The following NRG4 variants were observed in gnomAD, a reference collection of about 807,000 sequenced individuals.
NRG4 encodes pro-neuregulin-4, membrane-bound isoform.
NRG4 carries 10 observed loss-of-function variants against 15.0 expected under a neutral mutation model. The ratio of observed to expected loss-of-function variants is 0.67; its 90% CI spans 0.41 to 1.13. The LOEUF is 1.13. Among genes scored for constraint, NRG4 ranks in the 50% most tolerant of loss-of-function variants. The probability of loss-of-function intolerance (pLI) is 0.00; values close to 1 mark genes in which losing one functional copy is unlikely to be tolerated. For synonymous variants in NRG4, 41 were observed against 50.1 expected (o/e 0.82, Z 0.77); for missense variants, 139 against 140.2 (o/e 0.99, Z 0.04).
intron 5 of NRG4, among the ~76,000 whole-genome samples, chr15:76,024,063 C>G (rs1038281048): frequency 6.6e-6 from 1 of 152,230 alleles, no homozygotes; most frequent in African/African-American, 2.4e-5. Flanking sequence ...TGCCCAAAGG[C>G]CCCATGCCTG....
Position 76,011,397 on chromosome 15 carries a change from T to C in NRG4, c.-56-111A>G, listed in dbSNP as rs146856672. On this transcript the variant is annotated intron_variant, in intron 1 of 5. Coordinates refer to ENST00000394907, the MANE Select transcript of NRG4 (RefSeq NM_138573.4). The stretch of plus-strand genomic sequence containing the variant: ...TTCTTAAATGTTGAAAATAAAATAA[T>C]AAAGACATTTATATACTAGGGACAA... The C allele has an allele frequency of 1.1e-5, 6 of 546,436 alleles. No homozygotes were observed. The Admixed American group carries it at 2.7e-4, about 25-fold the overall frequency. The allele number at this position is 546,436 out of a possible 1,614,324, so 33.8% of individuals were successfully genotyped here.
Position 75,961,891 on chromosome 15 carries a change from T to G in NRG4, c.188A>C (p.Glu63Ala). 6.2e-7 allele frequency: 1 copy of G among 1,613,670 alleles called. No homozygotes were observed. Among genetic ancestry groups the G allele is most frequent in the Non-Finnish European group, 8.5e-7 (1 of 1,179,590 alleles). Residue 63 changes from glutamate to alanine, a missense_variant, in exon 4 of 6, where the codon GAA (glutamate) becomes GCA (alanine). By Grantham distance (107) the Glu-to-Ala change is moderately radical (BLOSUM62 -1). Coordinates refer to ENST00000394907, the MANE Select transcript of NRG4 (RefSeq NM_138573.4). ...TAGGACCGCCAATGCCACAAAAGCT[T>G]CAAACAGGTTACTTTTAGTTTGGAT... Reference protein sequence around the residue: ...SSIQTKSNLFEAFVALAVLVT... With the variant: ...SSIQTKSNLFAAFVALAVLVT...
intron 5 of NRG4, among the ~76,000 whole-genome samples, chr15:76,025,815 T>G (rs2141934433): frequency 6.6e-6 from 1 of 151,918 alleles, no homozygotes; most frequent in Admixed American, 6.6e-5. Context: ...AGGTGGAGGT[T>G]GCAGTAAGCC....
upstream of NRG4, among the ~76,000 whole-genome samples, chr15:76,014,397 T>C (rs1386681812): frequency 6.6e-6 from 1 of 152,224 alleles, no homozygotes; most frequent in Non-Finnish European, 1.5e-5. Flanking sequence ...CTTTTGGTGT[T>C]TTAGTCACGA....
chr15:76,037,740 C>T (rs1479516113), intron 4 of NRG4, among the ~76,000 whole-genome samples: 3 of 152,130 alleles, frequency 2.0e-5, no homozygotes, highest in African/African-American at 7.2e-5. Flanking sequence ...ACTACCCGTC[C>T]CCCAACCCCA....
upstream of NRG4, among the ~76,000 whole-genome samples, chr15:76,016,270 T>C (rs1225317430): frequency 6.6e-6 from 1 of 152,078 alleles, no homozygotes; most frequent in Non-Finnish European, 1.5e-5. Context: ...ATTTTATTGA[T>C]CTTTTCAAAA....
chr15:76,022,273 A>G (rs1318104059), intron 5 of NRG4, among the ~76,000 whole-genome samples: 1 of 152,234 alleles, frequency 6.6e-6, no homozygotes, highest in Non-Finnish European at 1.5e-5. Context: ...AAAAGAGGAC[A>G]GTCTCTTGCT....
At chr15:75,992,623 G>A (rs964082816) in intron 3 of NRG4, among the ~76,000 whole-genome samples, 1 of 152,048 alleles carries the variant, frequency 6.6e-6, no homozygotes, top group Admixed American at 6.5e-5. Flanking sequence ...TCCCCTGAAA[G>A]AAACACCACG....
intron 4 of NRG4, among the ~76,000 whole-genome samples, chr15:76,042,310 G>C (rs1417136441): frequency 6.6e-6 from 1 of 151,634 alleles, no homozygotes; most frequent in Non-Finnish European, 1.5e-5. Flanking sequence ...AAAATCAGTA[G>C]AAGAATAAAG....
intron 5 of NRG4, among the ~76,000 whole-genome samples, chr15:76,028,914 A>C (rs914733096): frequency 6.6e-6 from 1 of 151,496 alleles, no homozygotes; most frequent in East Asian, 1.9e-4. Flanking sequence ...AAAAAAAAAA[A>C]AAAAAAAAAA....
chr15:76,051,815 C>T (rs1228571686), intron 4 of NRG4, among the ~76,000 whole-genome samples: 1 of 150,532 alleles, frequency 6.6e-6, no homozygotes, highest in Non-Finnish European at 1.5e-5. Context: ...TTGTGATCCG[C>T]CCACCTCAGC....
At chr15:76,051,560 A>G (rs2036016922) in intron 4 of NRG4, among the ~76,000 whole-genome samples, 1 of 146,136 alleles carries the variant, frequency 6.8e-6, no homozygotes, top group Admixed American at 6.7e-5. Context: ...TAATTGAACA[A>G]TCTTCTTTTT....
At chr15:76,002,050 G>A (rs2034436366) in intron 3 of NRG4, among the ~76,000 whole-genome samples, 1 of 151,980 alleles carries the variant, frequency 6.6e-6, no homozygotes. Flanking sequence ...TCTCCCATAT[G>A]AAAAAAGGAG....
At chr15:76,021,555 T>C (rs2035155961) in intron 5 of NRG4, among the ~76,000 whole-genome samples, 1 of 152,152 alleles carries the variant, frequency 6.6e-6, no homozygotes, top group Non-Finnish European at 1.5e-5. Flanking sequence ...ACTAAACCAT[T>C]TTAGTGTATG....
At chr15:76,016,133 T>G (rs895260441), upstream of NRG4, among the ~76,000 whole-genome samples, 1 of 152,240 alleles carries the variant, frequency 6.6e-6, no homozygotes, top group African/African-American at 2.4e-5. Context: ...TTTATTTGCA[T>G]AGAGGTGTTT....
At chr15:75,955,792 CA>C (rs11341073) in intron 5 of NRG4, 139 bp downstream of exon 5, 88,285 of 300,822 alleles carry the variant, frequency 0.29, 3,476 homozygotes, top group African/African-American at 0.39. Flanking sequence ...GGTACCTGGC[CA>C]AAAAAAAAAA....
intron 3 of NRG4, among the ~76,000 whole-genome samples, chr15:75,983,016 A>C (rs1049995161): frequency 1.3e-5 from 2 of 152,196 alleles, no homozygotes; most frequent in African/African-American, 4.8e-5. Flanking sequence ...GCTTATCAGA[A>C]AAATAATAGC....
intron 5 of NRG4, among the ~76,000 whole-genome samples, chr15:75,943,898 C>T (rs2031259465): frequency 6.6e-6 from 1 of 152,056 alleles, no homozygotes; most frequent in Non-Finnish European, 1.5e-5. Flanking sequence ...TCCCTGCATG[C>T]CTGCCCACAC....
intron 3 of NRG4, among the ~76,000 whole-genome samples, chr15:76,000,962 T>C (rs1177584907): frequency 6.6e-6 from 1 of 151,924 alleles, no homozygotes; most frequent in African/African-American, 2.4e-5. Context: ...AGAAATAAAA[T>C]GTCTAGTTTT....
Sources: allele counts gnomAD v4.1 joint callset (sites outside exome capture counted in the v4.1 genomes callset), GRCh38; gene constraint gnomAD v4.1.1; transcripts MANE v1.5; gene names NCBI Gene and HGNC (gene_info 2026-07-23, HGNC 2026-07-21).